Variants in CDC7 observed in about 807,000 individuals in gnomAD.
The protein encoded by CDC7 is cell division cycle 7.
Under a neutral mutation model 53.5 loss-of-function variants are expected in CDC7, and 34 were observed. That is an observed-to-expected ratio of 0.64 (90% CI 0.48 to 0.85). The LOEUF is 0.85. Among genes scored for constraint, CDC7 ranks in the 40% least tolerant of loss-of-function variants. The pLI is 0.00. For synonymous variants in CDC7, 211 were observed against 222.8 expected (o/e 0.95, Z 0.47); for missense variants, 594 against 679.7 (o/e 0.87, Z 1.40).
At chr1:91,514,185 A>G in intron 8 of CDC7, 142 bp downstream of exon 8, 1 of 502,982 alleles carries the variant, frequency 2.0e-6, no homozygotes, top group Non-Finnish European at 3.5e-6. Flanking sequence ...TGCTTTAAGC[A>G]TTTAGTCAAA....
At chr1:91,519,731 A>G (rs1381710747) in intron 10 of CDC7, among the ~76,000 whole-genome samples, 2 of 152,218 alleles carry the variant, frequency 1.3e-5, no homozygotes, top group African/African-American at 4.8e-5. Context: ...AAGCACTTTG[A>G]CCAGTATGGT....
chr1:91,507,348 T>C (rs970205852), intron 2 of CDC7, among the ~76,000 whole-genome samples: 1 of 152,228 alleles, frequency 6.6e-6, no homozygotes, highest in African/African-American at 2.4e-5. Context: ...TACTGGCAAT[T>C]GGGACAAATT....
At chr1:91,512,706 A>G (rs1667347535) in intron 6 of CDC7, among the ~76,000 whole-genome samples, 1 of 151,912 alleles carries the variant, frequency 6.6e-6, no homozygotes, top group South Asian at 2.1e-4. Context: ...CATGATTTTA[A>G]TTTTTTTAAG....
At chr1:91,518,846 G>GC (rs1432060077) in intron 10 of CDC7, among the ~76,000 whole-genome samples, 2 of 152,176 alleles carry the variant, frequency 1.3e-5, no homozygotes, top group African/African-American at 4.8e-5. Context: ...GATTGCTTGA[G>GC]CTCAGGCACT....
intron 2 of CDC7, among the ~76,000 whole-genome samples, chr1:91,505,898 C>A (rs1571314124): frequency 6.6e-6 from 1 of 152,220 alleles, no homozygotes; most frequent in South Asian, 2.1e-4. Context: ...GTTTCTCCTC[C>A]CTTTCACATC....
At chr1:91,522,163 CA>C (rs577601722) in intron 11 of CDC7, among the ~76,000 whole-genome samples, 126 of 151,686 alleles carry the variant, frequency 8.3e-4, no homozygotes, top group Non-Finnish European at 1.3e-3. Context: ...GACTCTGTCT[CA>C]AAAAAACAAA....
At chr1:91,522,596 T>G (rs1339501668) in intron 11 of CDC7, among the ~76,000 whole-genome samples, 1 of 152,210 alleles carries the variant, frequency 6.6e-6, no homozygotes, top group African/African-American at 2.4e-5. Context: ...ATTGTATAAC[T>G]TGGGGACATG....
Position 91,504,796 on chromosome 1 carries a change from G to C in CDC7, c.115+2965G>C, listed in dbSNP as rs13447477. On this transcript the variant is annotated intron_variant, in intron 2 of 11. Transcript: ENST00000234626. ...GAATAACCATGACTATATGCCTAGAGTGTCAGTTTTAATCCATGACAAGAT... is the reference window on the plus strand; with the variant it reads ...GAATAACCATGACTATATGCCTAGACTGTCAGTTTTAATCCATGACAAGAT... 4.7e-3 allele frequency among the ~76,000 whole-genome samples: 718 copies of C among 152,294 alleles called. 4 individuals carry two copies. Among genetic ancestry groups the C allele is most frequent in the African/African-American group, 0.017 (689 of 41,544 alleles).
intron 10 of CDC7, 78 bp from the exon 11 acceptor site, chr1:91,520,052 T>C (rs1667844405): frequency 8.5e-7 from 1 of 1,181,970 alleles, no homozygotes; most frequent in African/African-American, 1.6e-5. Flanking sequence ...TAATGCATAA[T>C]AAATGTTGAG....
In CDC7 at chr1:91,524,448, A is replaced by G; in HGVS notation, c.*13A>G. ...TATGAGCTTGTGATAATGGATCTTCATTTAATGTTTACTGTTATGAGGTAG... is the reference window on the plus strand; with the variant it reads ...TATGAGCTTGTGATAATGGATCTTCGTTTAATGTTTACTGTTATGAGGTAG... On this transcript the variant is annotated 3_prime_UTR_variant, in exon 12 of 12. Transcript: ENST00000234626. 1.3e-6 allele frequency: 2 copies of G among 1,580,838 alleles called. No homozygotes were observed. Among genetic ancestry groups the G allele is most frequent in the East Asian group, 2.2e-5 (1 of 44,734 alleles).
chr1:91,511,395 C>T (rs1044527013), intron 4 of CDC7, among the ~76,000 whole-genome samples: 1 of 152,086 alleles, frequency 6.6e-6, no homozygotes, highest in East Asian at 1.9e-4. Flanking sequence ...ATAGTAACTT[C>T]AAAACTGGTG....
intron 10 of CDC7, 94 bp downstream of exon 10, chr1:91,515,970 A>T (rs1332302613): frequency 9.7e-7 from 1 of 1,026,930 alleles, no homozygotes; most frequent in East Asian, 2.6e-5. Flanking sequence ...CTAATATTTG[A>T]GTTCTTCTGC....
Position 91,501,724 on chromosome 1 carries a change from C to A in CDC7, c.8C>A (p.Ala3Glu). 1 of 1,613,172 alleles carries A rather than the reference C, an allele frequency of 6.2e-7. No homozygotes were observed. Among genetic ancestry groups the A allele is most frequent in the Non-Finnish European group, 8.5e-7 (1 of 1,179,218 alleles). Residue 3 changes from alanine (A) to glutamate (E), a missense_variant, in exon 2 of 12, where the codon GCG becomes GAG. By Grantham distance (107) the Ala-to-Glu change is moderately radical. Coordinates refer to ENST00000234626, the MANE Select transcript of CDC7 (RefSeq NM_003503.4). ME[A>E]SLGIQMDEPM... ...CATCTCAATTGGCTTGTGATGGAGGCGTCTTTGGGGATTCAGATGGATGAG... is the reference window on the plus strand; with the variant it reads ...CATCTCAATTGGCTTGTGATGGAGGAGTCTTTGGGGATTCAGATGGATGAG...
At chr1:91,515,192 A>G (rs574658940) in intron 9 of CDC7, among the ~76,000 whole-genome samples, 195 bp downstream of exon 9, 2 of 152,310 alleles carry the variant, frequency 1.3e-5, no homozygotes, top group Admixed American at 6.5e-5. Flanking sequence ...ATATGGATAT[A>G]CTCTGGAAAA....
rs959634691 is a variant in CDC7, at chr1:91,523,455, T to A, written c.1331-586T>A. ...AAAGATAAATAAGACAGTTCCTGCC[T>A]TCAAAGAGCTCAGTCTACTAGGTGG... On this transcript the variant is annotated intron_variant, in intron 11 of 11. Transcript: ENST00000234626. Among the ~76,000 whole-genome samples the A allele has an allele frequency of 1.1e-4, 16 of 152,158 alleles. 1 individual carries two copies. The highest frequency in any genetic ancestry group is 3.9e-4 in the African/African-American group (16 of 41,424).
At position 91,520,188 on chromosome 1, in the gene CDC7, AT is replaced by A; in HGVS notation, c.1243del (p.Tyr415IlefsTer7). 1 of 1,610,748 alleles carries A rather than the reference AT, an allele frequency of 6.2e-7. No homozygotes were observed. Among genetic ancestry groups the A allele is most frequent in the Non-Finnish European group, 8.5e-7 (1 of 1,178,296 alleles). ...FLSLLSGRYP[F>X]YKASDDLTAL... ...TTTCTTTGCTTAGTGGACGATATCC[AT>A]TTTATAAAGCAAGTGATGATTTAAC... On this transcript the variant is annotated frameshift_variant, in exon 11 of 12. Coordinates refer to ENST00000234626, the MANE Select transcript of CDC7 (RefSeq NM_003503.4). LOFTEE classifies it high-confidence loss of function.
chr1:91,525,392 T>G lies in CDC7; in HGVS notation c.*957T>G, dbSNP rs1371608854. ...GCCATCCAGATCTCTGTATCCTGTT[T>G]TGACTAAGTCTTAGGTGGGTTGGGA... On this transcript the variant is annotated 3_prime_UTR_variant, in exon 12 of 12. Transcript: ENST00000234626. 1 of 152,116 alleles carries G rather than the reference T, an allele frequency of 6.6e-6. No homozygotes were observed. The highest frequency in any genetic ancestry group is 6.6e-5 in the Admixed American group (1 of 15,260). 9.4% of individuals were successfully genotyped at this position (152,116 alleles called of 1,614,324 possible).
chr1:91,507,671 T>G (rs1667064263), intron 2 of CDC7, among the ~76,000 whole-genome samples, 183 bp from the exon 3 acceptor site: 1 of 152,182 alleles, frequency 6.6e-6, no homozygotes, highest in Non-Finnish European at 1.5e-5. Flanking sequence ...TTTTTGTCTG[T>G]TCAAGAGGTG....
At chr1:91,501,072 C>T (rs1666635522) in intron 1 of CDC7, 124 bp downstream of exon 1, 1 of 152,266 alleles carries the variant, frequency 6.6e-6, no homozygotes, top group African/African-American at 2.4e-5. Context: ...ATCCCTCCGA[C>T]CTGCGGCGGG....
Sources: gnomAD v4.1 joint callset for allele counts (sites outside exome capture counted in the v4.1 genomes callset) on GRCh38, gnomAD v4.1.1 for gene constraint, MANE v1.5 for transcripts, NCBI Gene and HGNC (gene_info 2026-07-23, HGNC 2026-07-21) for gene names.